The following SHISA9 variants were observed in gnomAD, a reference collection of about 807,000 sequenced individuals.
The protein encoded by SHISA9 is protein shisa-9.
Under a neutral mutation model 38.0 loss-of-function variants are expected in SHISA9, and 13 were observed. That is an observed-to-expected ratio of 0.34 (90% confidence interval 0.22 to 0.54). SHISA9 has a LOEUF of 0.54. SHISA9 is among the 20% of genes least tolerant of loss of function. The pLI, the probability that SHISA9 is intolerant of heterozygous loss-of-function variation, is 0.91. For missense variants in SHISA9, 538 were observed against 575.8 expected (o/e 0.93, Z 0.67); for synonymous variants, 275 against 242.0 (o/e 1.14, Z -1.27).
At chr16:13,360,899 C>T in the SHISA9 span, among the ~76,000 whole-genome samples, 1 of 152,136 alleles carries the variant, frequency 6.6e-6, no homozygotes, top group Non-Finnish European at 1.5e-5. Context: ...TCTCTGGTTG[C>T]CCATAGTAGT....
At chr16:13,484,857 C>T in the SHISA9 span, among the ~76,000 whole-genome samples, 26 of 152,196 alleles carry the variant, frequency 1.7e-4, no homozygotes, top group East Asian at 1.4e-3. Flanking sequence ...GCAAGGGGGA[C>T]GTCCACTCCC....
At chr16:13,517,838 G>A in the SHISA9 span, among the ~76,000 whole-genome samples, 3 of 152,174 alleles carry the variant, frequency 2.0e-5, no homozygotes, top group Non-Finnish European at 2.9e-5. Context: ...TCAGATAAAC[G>A]AGAGAGCTAA....
At chr16:13,302,737 T>C in the SHISA9 span, among the ~76,000 whole-genome samples, 1 of 152,162 alleles carries the variant, frequency 6.6e-6, no homozygotes, top group Non-Finnish European at 1.5e-5. Flanking sequence ...ACAGTTTGAC[T>C]CTGTGTCCCC....
the SHISA9 span, among the ~76,000 whole-genome samples, chr16:13,404,649 T>C: frequency 2.6e-5 from 4 of 152,198 alleles, no homozygotes; most frequent in Non-Finnish European, 5.9e-5. Flanking sequence ...CCTTGTGAGC[T>C]ATGCTAGGTA....
At chr16:13,289,353 T>C in the SHISA9 span, among the ~76,000 whole-genome samples, 1 of 140,434 alleles carries the variant, frequency 7.1e-6, no homozygotes, top group Non-Finnish European at 1.6e-5. Flanking sequence ...TGGCACTCAG[T>C]TTTGGTTGGT....
chr16:13,295,953 C>CT, the SHISA9 span, among the ~76,000 whole-genome samples: 2 of 152,054 alleles, frequency 1.3e-5, no homozygotes, highest in South Asian at 2.1e-4. Flanking sequence ...ACAAATACAC[C>CT]TTTTTTGAGC....
intron 2 of SHISA9, among the ~76,000 whole-genome samples, chr16:13,186,650 A>G (rs2050827128): frequency 6.6e-6 from 1 of 152,102 alleles, no homozygotes; most frequent in Admixed American, 6.6e-5. Context: ...GTACATTCGC[A>G]TTGTTGTGCA....
chr16:13,130,619 A>G (rs1322451106), intron 2 of SHISA9, among the ~76,000 whole-genome samples: 1 of 152,016 alleles, frequency 6.6e-6, no homozygotes, highest in Non-Finnish European at 1.5e-5. Context: ...ATGACTTTTT[A>G]TTTTCATAGG....
intron 2 of SHISA9, among the ~76,000 whole-genome samples, chr16:13,037,097 C>CACACAGACAGACAG (rs1567190784): frequency 6.4e-4 from 49 of 76,310 alleles, no homozygotes; most frequent in African/African-American, 2.7e-3. Context: ...ACCACACACA[C>CACACAGACAGACAG]ACACACACAC....
At chr16:13,394,146 C>A in the SHISA9 span, among the ~76,000 whole-genome samples, 3 of 152,126 alleles carry the variant, frequency 2.0e-5, no homozygotes, top group Middle Eastern at 3.2e-3. Flanking sequence ...GCATTTCTAC[C>A]ATCTGCCATG....
the SHISA9 span, among the ~76,000 whole-genome samples, chr16:13,285,021 C>T: frequency 6.6e-6 from 1 of 152,150 alleles, no homozygotes; most frequent in Non-Finnish European, 1.5e-5. Flanking sequence ...AACAGAATTC[C>T]TCAGCTGGGT....
intron 2 of SHISA9, among the ~76,000 whole-genome samples, chr16:13,196,257 C>T (rs563601280): frequency 9.6e-5 from 14 of 145,928 alleles, no homozygotes; most frequent in South Asian, 6.6e-4. Flanking sequence ...ATTAGCTGGG[C>T]GAGGTGGCGC....
chr16:13,434,048 A>G, the SHISA9 span, among the ~76,000 whole-genome samples: 1 of 152,188 alleles, frequency 6.6e-6, no homozygotes, highest in Non-Finnish European at 1.5e-5. Flanking sequence ...CAAAACCTCA[A>G]AAGTAGGGAA....
the SHISA9 span, among the ~76,000 whole-genome samples, chr16:13,499,728 C>A: frequency 6.6e-6 from 1 of 152,126 alleles, no homozygotes; most frequent in Non-Finnish European, 1.5e-5. Flanking sequence ...TTGATTTGGG[C>A]CCAGGGCACT....
intron 1 of SHISA9, 140 bp downstream of exon 1, chr16:12,902,767 A>G (rs2071036941): frequency 2.2e-6 from 2 of 928,944 alleles, no homozygotes; most frequent in South Asian, 3.5e-5. Context: ...GTCACCGGGA[A>G]GCCAACTTCG....
At chr16:13,104,794 T>TA (rs1251057568) in intron 2 of SHISA9, among the ~76,000 whole-genome samples, 2 of 152,198 alleles carry the variant, frequency 1.3e-5, no homozygotes, top group Non-Finnish European at 2.9e-5. Flanking sequence ...ATACATTTAC[T>TA]AAAAATCACA....
the SHISA9 span, among the ~76,000 whole-genome samples, chr16:13,429,046 C>T: frequency 1.3e-5 from 2 of 152,078 alleles, no homozygotes; most frequent in Non-Finnish European, 1.5e-5. Flanking sequence ...GGATTACAGG[C>T]GTGAGCCACC....
chr16:13,370,938 T>G, the SHISA9 span, among the ~76,000 whole-genome samples: 55 of 152,322 alleles, frequency 3.6e-4, no homozygotes, highest in African/African-American at 1.3e-3. Flanking sequence ...ATAGGGTTGC[T>G]GCCAGATTTA....
intron 4 of SHISA9, among the ~76,000 whole-genome samples, chr16:13,232,833 G>T (rs2051344889): frequency 1.3e-5 from 2 of 152,154 alleles, no homozygotes; most frequent in African/African-American, 4.8e-5. Flanking sequence ...AGGTTCTTTT[G>T]AAGTCTTATA....
Sources: allele counts gnomAD v4.1 joint callset (sites outside exome capture counted in the v4.1 genomes callset), GRCh38; gene constraint gnomAD v4.1.1; transcripts MANE v1.5; gene names NCBI Gene and HGNC (gene_info 2026-07-23, HGNC 2026-07-21).